The following KPNA3 variants were observed in gnomAD, a reference collection of about 807,000 sequenced individuals.
The protein encoded by KPNA3 is importin subunit alpha-4.
Under a neutral mutation model 73.8 loss-of-function variants are expected in KPNA3, and 13 were observed. The ratio of observed to expected loss-of-function variants is 0.18; its 90% CI spans 0.11 to 0.28. The LOEUF (loss-of-function observed/expected upper bound fraction) is 0.28, where lower values mean the gene tolerates loss of function less well. Ranked by LOEUF, KPNA3 falls within the 10% of genes least tolerant of loss-of-function variation. The pLI is 1.00. For synonymous variants in KPNA3, 186 were observed against 206.9 expected (o/e 0.90, Z 0.87); for missense variants, 360 against 618.1 (o/e 0.58, Z 4.43).
intron 1 of KPNA3, among the ~76,000 whole-genome samples, chr13:49,750,975 G>T (rs1231285725): frequency 3.9e-5 from 6 of 152,080 alleles, no homozygotes; most frequent in Admixed American, 1.3e-4. Context: ...CTGGGCAACA[G>T]AGTGAGATTC....
chr13:49,759,597 C>A (rs765084324), intron 1 of KPNA3, among the ~76,000 whole-genome samples: 1 of 152,138 alleles, frequency 6.6e-6, no homozygotes, highest in East Asian at 1.9e-4. Flanking sequence ...GGTGACAGAT[C>A]ATCAGGCATT....
At chr13:49,764,553 G>A (rs1003736826) in intron 1 of KPNA3, among the ~76,000 whole-genome samples, 4 of 151,918 alleles carry the variant, frequency 2.6e-5, no homozygotes, top group East Asian at 3.9e-4. Context: ...TAACGTGCAC[G>A]TCCAAATCTC....
chr13:49,739,223 C>G (rs998771754), intron 2 of KPNA3, among the ~76,000 whole-genome samples: 2 of 152,088 alleles, frequency 1.3e-5, no homozygotes, highest in African/African-American at 4.8e-5. Context: ...AAATAAGGGC[C>G]TATGGCCTGA....
chr13:49,755,189 A>C (rs1057037375), intron 1 of KPNA3, among the ~76,000 whole-genome samples: 1 of 152,226 alleles, frequency 6.6e-6, no homozygotes, highest in African/African-American at 2.4e-5. Flanking sequence ...TAGTGATACA[A>C]GGCTGGTTCT....
chr13:49,748,566 A>G (rs1017195364), intron 1 of KPNA3, among the ~76,000 whole-genome samples: 6 of 152,070 alleles, frequency 3.9e-5, no homozygotes, highest in Non-Finnish European at 1.5e-5. Context: ...AACCACAGTG[A>G]TCTTCTTAAG....
chr13:49,749,237 G>C (rs937561673), intron 1 of KPNA3, among the ~76,000 whole-genome samples: 7 of 152,198 alleles, frequency 4.6e-5, no homozygotes, highest in African/African-American at 1.4e-4. Context: ...CCACACTTAA[G>C]AGGTGATTAA....
At chr13:49,716,299 C>T (rs1402712405) in intron 10 of KPNA3, among the ~76,000 whole-genome samples, 1 of 152,162 alleles carries the variant, frequency 6.6e-6, no homozygotes, top group Admixed American at 6.5e-5. Context: ...ACCATTTATT[C>T]TCTGGCTCCT....
At chr13:49,756,822 T>G (rs1169419240) in intron 1 of KPNA3, among the ~76,000 whole-genome samples, 1 of 152,186 alleles carries the variant, frequency 6.6e-6, no homozygotes, top group Non-Finnish European at 1.5e-5. Context: ...ATTACATAGT[T>G]ACAGTAATAA....
intron 2 of KPNA3, among the ~76,000 whole-genome samples, chr13:49,735,185 C>G (rs541433039): frequency 3.3e-5 from 5 of 152,056 alleles, no homozygotes; most frequent in African/African-American, 1.2e-4. Flanking sequence ...TGCAATGGTG[C>G]GATCTCAGCT....
intron 10 of KPNA3, among the ~76,000 whole-genome samples, chr13:49,715,003 T>C (rs901533075): frequency 2.6e-5 from 4 of 151,974 alleles, no homozygotes; most frequent in African/African-American, 9.7e-5. Context: ...ATCATTAATA[T>C]AAGTTTTATT....
At chr13:49,732,552 G>GT in intron 5 of KPNA3, 53 bp downstream of exon 5, 1 of 1,470,608 alleles carries the variant, frequency 6.8e-7, no homozygotes, top group Non-Finnish European at 9.5e-7. Context: ...AGACTACCAG[G>GT]TAACACAACT....
chr13:49,719,643 T>A, intron 10 of KPNA3, 132 bp downstream of exon 10: 3 of 698,244 alleles, frequency 4.3e-6, no homozygotes, highest in Non-Finnish European at 7.5e-6. Flanking sequence ...TTAAGCTTAA[T>A]CCTATTTCTG....
chr13:49,708,083 C>T (rs1954224741), intron 12 of KPNA3, among the ~76,000 whole-genome samples: 1 of 151,740 alleles, frequency 6.6e-6, no homozygotes, highest in Non-Finnish European at 1.5e-5. Flanking sequence ...GCAAACTCCA[C>T]CTCCTGGGTT....
At chr13:49,770,028 G>A (rs1954840194) in intron 1 of KPNA3, among the ~76,000 whole-genome samples, 1 of 152,058 alleles carries the variant, frequency 6.6e-6, no homozygotes, top group Admixed American at 6.6e-5. Context: ...TCATTTGTAT[G>A]CCTCCTTCAG....
chr13:49,728,176 A>C (rs1954428715), intron 6 of KPNA3, among the ~76,000 whole-genome samples: 1 of 150,494 alleles, frequency 6.6e-6, no homozygotes, highest in Non-Finnish European at 1.5e-5. Context: ...CGGAGCTTGC[A>C]GTGAGCTGAT....
rs370300329 is a variant in KPNA3, at chr13:49,749,352, G to A, written c.70-2359C>T. Among the ~76,000 whole-genome samples the A allele has an allele frequency of 2.6e-5, 4 of 152,312 alleles. No individual in the cohort carries two copies. The East Asian group carries it at 7.7e-4, about 29-fold the overall frequency. Reference sequence around the variant, plus strand: ...ACACTGGTTTGATACTCTGCATAAGGAAAGTTGGAAATAGATTTTTACTGC... The same window carrying A: ...ACACTGGTTTGATACTCTGCATAAGAAAAGTTGGAAATAGATTTTTACTGC... On this transcript the variant is annotated intron_variant, in intron 1 of 16. Coordinates refer to ENST00000261667, the MANE Select transcript of KPNA3 (RefSeq NM_002267.4).
chr13:49,735,746 T>C (rs941934504), intron 2 of KPNA3, among the ~76,000 whole-genome samples: 1 of 152,198 alleles, frequency 6.6e-6, no homozygotes, highest in South Asian at 2.1e-4. Flanking sequence ...ATTATCCACG[T>C]ATGCATGTAT....
intron 1 of KPNA3, 129 bp from the exon 2 acceptor site, chr13:49,747,122 A>G (rs976878705): frequency 6.3e-5 from 36 of 569,370 alleles, no homozygotes; most frequent in African/African-American, 6.2e-4. Context: ...CGGGCAGATC[A>G]CTTGAGGTCA....
intron 12 of KPNA3, among the ~76,000 whole-genome samples, chr13:49,708,271 AG>A (rs919289292): frequency 1.4e-4 from 21 of 152,340 alleles, no homozygotes; most frequent in African/African-American, 4.8e-4. Flanking sequence ...CTGGGATTAC[AG>A]GCATGAGCCA....
Sources: gnomAD v4.1 joint callset for allele counts (sites outside exome capture counted in the v4.1 genomes callset) on GRCh38, gnomAD v4.1.1 for gene constraint, MANE v1.5 for transcripts, NCBI Gene and HGNC (gene_info 2026-07-23, HGNC 2026-07-21) for gene names.